SCAI: variants seen among roughly 807,000 people sequenced by gnomAD.
The protein encoded by SCAI is protein SCAI.
A neutral mutation model predicts 92.2 loss-of-function variants in SCAI; 24 were observed. The ratio of observed to expected loss-of-function variants is 0.26; its 90% CI spans 0.19 to 0.37. The LOEUF (loss-of-function observed/expected upper bound fraction) is 0.37. SCAI is among the 10% of genes least tolerant of loss of function. The pLI is 1.00. For missense variants in SCAI, 450 were observed against 736.2 expected (o/e 0.61, Z 4.50); for synonymous variants, 261 against 258.6 (o/e 1.01, Z -0.09).
intron 3 of SCAI, among the ~76,000 whole-genome samples, chr9:125,053,988 T>G (rs1833614696): frequency 6.6e-6 from 1 of 152,170 alleles, no homozygotes; most frequent in Non-Finnish European, 1.5e-5. Flanking sequence ...TTGTTTTTAT[T>G]TTTTGGTTAA....
intron 3 of SCAI, among the ~76,000 whole-genome samples, chr9:125,039,067 C>T (rs1564388927): frequency 1.3e-5 from 2 of 152,166 alleles, no homozygotes; most frequent in African/African-American, 4.8e-5. Context: ...TTTCTTCCCC[C>T]TCTTACATTC....
intron 9 of SCAI, among the ~76,000 whole-genome samples, chr9:125,011,835 G>C (rs1832647332): frequency 6.6e-6 from 1 of 152,158 alleles, no homozygotes; most frequent in South Asian, 2.1e-4. Context: ...CGGATGTCTT[G>C]GCAGAAACTC....
chr9:125,117,884 T>C (rs1835079785), intron 2 of SCAI, among the ~76,000 whole-genome samples: 4 of 152,214 alleles, frequency 2.6e-5, no homozygotes. Context: ...TTGTCTTGAC[T>C]GTGCCACTTC....
chr9:125,005,623 G>A (rs918516847), intron 9 of SCAI, among the ~76,000 whole-genome samples: 3 of 152,190 alleles, frequency 2.0e-5, no homozygotes, highest in Non-Finnish European at 4.4e-5. Context: ...GAGCCACTGC[G>A]CCCAGCCAAG....
chr9:124,967,805 C>T (rs1432822319), intron 17 of SCAI, among the ~76,000 whole-genome samples: 1 of 152,174 alleles, frequency 6.6e-6, no homozygotes, highest in Non-Finnish European at 1.5e-5. Context: ...CACTTCAATG[C>T]TAAAGAGCTC....
intron 2 of SCAI, among the ~76,000 whole-genome samples, chr9:125,120,202 T>C (rs1335539644): frequency 6.6e-6 from 1 of 152,228 alleles, no homozygotes; most frequent in Non-Finnish European, 1.5e-5. Flanking sequence ...GTCATACCAA[T>C]ACATTGGTTG....
chr9:125,142,000 G>A (rs1449083769), intron 2 of SCAI, among the ~76,000 whole-genome samples: 1 of 152,140 alleles, frequency 6.6e-6, no homozygotes, highest in African/African-American at 2.4e-5. Flanking sequence ...ACGGCTCACT[G>A]CATCACTGCA....
At chr9:125,082,416 T>A (rs1834239977) in intron 2 of SCAI, among the ~76,000 whole-genome samples, 1 of 152,152 alleles carries the variant, frequency 6.6e-6, no homozygotes, top group Non-Finnish European at 1.5e-5. Flanking sequence ...CTAAGGCAGT[T>A]CAGAAAGGAA....
chr9:124,984,011 T>C (rs1004527406), intron 14 of SCAI, among the ~76,000 whole-genome samples: 51 of 152,204 alleles, frequency 3.4e-4, no homozygotes, highest in African/African-American at 1.2e-3. Flanking sequence ...ACTGTTATGA[T>C]TATTAAGAAA....
In SCAI at chr9:125,029,727, T is replaced by C. The variant is rs767683920; in HGVS notation, c.243A>G (p.Gln81=). The C allele has an allele frequency of 3.1e-6, 5 of 1,605,082 alleles. No homozygotes were observed. Among genetic ancestry groups the C allele is most frequent in the Non-Finnish European group, 3.4e-6 (4 of 1,173,148 alleles). Residue 81 remains glutamine, a synonymous_variant, in exon 4 of 18, where the codon CAA becomes CAG. Transcript: ENST00000336505. ...AGGACTGCCACTGCTTCTGTCCATA[T>C]TGTGGCAAATCTCTGTAATAGTAAA... ...QLFNGLRDLP[Q]YGQKQWQSYF... is the part of the protein sequence containing the mutation.
intron 17 of SCAI, among the ~76,000 whole-genome samples, chr9:124,957,982 C>A (rs1339749813): frequency 6.6e-6 from 1 of 152,082 alleles, no homozygotes; most frequent in East Asian, 1.9e-4. Flanking sequence ...CATGTCCAGC[C>A]AAATAATTCA....
intron 17 of SCAI, among the ~76,000 whole-genome samples, chr9:124,969,240 T>C (rs1831604362): frequency 6.6e-6 from 1 of 152,190 alleles, no homozygotes; most frequent in Admixed American, 6.6e-5. Flanking sequence ...CCACTGCGCC[T>C]GGCCCATTGC....
intron 2 of SCAI, among the ~76,000 whole-genome samples, chr9:125,068,823 T>A (rs1235910353): frequency 6.6e-6 from 1 of 152,128 alleles, no homozygotes; most frequent in East Asian, 1.9e-4. Flanking sequence ...CTGCAGTTAG[T>A]GATGTTTCAA....
At chr9:125,130,504 C>G (rs1456630329) in intron 2 of SCAI, among the ~76,000 whole-genome samples, 1 of 151,958 alleles carries the variant, frequency 6.6e-6, no homozygotes, top group African/African-American at 2.4e-5. Flanking sequence ...ATTAAAAATT[C>G]AGACTGAAAA....
chr9:125,034,659 G>C (rs1228773466), intron 3 of SCAI, among the ~76,000 whole-genome samples: 1 of 152,182 alleles, frequency 6.6e-6, no homozygotes, highest in African/African-American at 2.4e-5. Flanking sequence ...TGAGACGGGA[G>C]GATTCATTGA....
chr9:125,024,013 G>C (rs1205007312), intron 6 of SCAI, among the ~76,000 whole-genome samples: 1 of 151,838 alleles, frequency 6.6e-6, no homozygotes, highest in African/African-American at 2.4e-5. Context: ...CAGTGCCAAA[G>C]CCTTCAATTT....
At chr9:125,116,064 A>G (rs1376950579) in intron 2 of SCAI, among the ~76,000 whole-genome samples, 1 of 152,152 alleles carries the variant, frequency 6.6e-6, no homozygotes, top group Non-Finnish European at 1.5e-5. Context: ...ATGGTGGCAC[A>G]TGCCTGTCTA....
chr9:125,107,054 A>G (rs936327883), intron 2 of SCAI, among the ~76,000 whole-genome samples: 3 of 151,896 alleles, frequency 2.0e-5, no homozygotes, highest in Non-Finnish European at 2.9e-5. Flanking sequence ...CTTGAATTAT[A>G]GGCAGATACA....
chr9:125,004,689 A>G (rs902456735), intron 9 of SCAI, among the ~76,000 whole-genome samples: 1 of 141,498 alleles, frequency 7.1e-6, no homozygotes, highest in Non-Finnish European at 1.5e-5. Flanking sequence ...GAGAAAAAAG[A>G]GCTAACTTTT....
Sources: gnomAD v4.1 joint callset for allele counts (sites outside exome capture counted in the v4.1 genomes callset) on GRCh38, gnomAD v4.1.1 for gene constraint, MANE v1.5 for transcripts, NCBI Gene and HGNC (gene_info 2026-07-23, HGNC 2026-07-21) for gene names.